The following NME5 variants were observed in gnomAD, a reference collection of about 807,000 sequenced individuals.
NME5 encodes nucleoside diphosphate kinase 5.
Under a neutral mutation model 21.6 loss-of-function variants are expected in NME5, and 18 were observed. The ratio of observed to expected loss-of-function variants is 0.83; its 90% CI spans 0.58 to 1.24. NME5 has a LOEUF of 1.24. NME5 is among the 50% of genes most tolerant of loss of function. The pLI, the probability that NME5 is intolerant of heterozygous loss-of-function variation, is 0.00. For synonymous variants in NME5, 70 were observed against 80.6 expected (o/e 0.87, Z 0.71); for missense variants, 223 against 255.4 (o/e 0.87, Z 0.86).
chr5:138,134,672 G>A (rs1362505330), intron 2 of NME5, among the ~76,000 whole-genome samples: 1 of 151,930 alleles, frequency 6.6e-6, no homozygotes, highest in Non-Finnish European at 1.5e-5. Flanking sequence ...GAGCCACCAC[G>A]GCCGGCTAAT....
At chr5:138,131,093 G>A (rs1458406324) in intron 2 of NME5, among the ~76,000 whole-genome samples, 1 of 150,218 alleles carries the variant, frequency 6.7e-6, no homozygotes, top group East Asian at 2.0e-4. Flanking sequence ...TAGGCCAGGC[G>A]CAGTGACTCA....
intron 4 of NME5, among the ~76,000 whole-genome samples, chr5:138,124,938 G>GTTTT (rs1245267212): frequency 2.0e-5 from 3 of 151,898 alleles, no homozygotes; most frequent in Non-Finnish European, 4.4e-5. Context: ...TTGTTTGTTT[G>GTTTT]TTTGAGACAG....
chr5:138,138,613 G>A, intron 2 of NME5, 39 bp downstream of exon 2: 1 of 1,580,532 alleles, frequency 6.3e-7, no homozygotes, highest in Non-Finnish European at 8.6e-7. Context: ...TTTAAGGGCA[G>A]AGAGGAAAAA....
intron 2 of NME5, among the ~76,000 whole-genome samples, chr5:138,137,702 G>A (rs4835669): frequency 0.34 from 51,887 of 151,214 alleles, 9,069 homozygotes; most frequent in South Asian, 0.43. Context: ...AAGTTCGAAT[G>A]AGAATACTGT....
At chr5:138,137,254 C>G (rs1751719195) in intron 2 of NME5, among the ~76,000 whole-genome samples, 1 of 152,134 alleles carries the variant, frequency 6.6e-6, no homozygotes, top group Admixed American at 6.6e-5. Context: ...CTCTCGGACT[C>G]CACCTGTCCT....
chr5:138,130,920 C>T (rs777737293), intron 2 of NME5, among the ~76,000 whole-genome samples: 1 of 149,212 alleles, frequency 6.7e-6, no homozygotes, highest in African/African-American at 2.5e-5. Context: ...AGCGAGACTC[C>T]GTCTAAAAAA....
chr5:138,118,795 G>C, intron 5 of NME5, 23 bp downstream of exon 5: 1 of 1,463,276 alleles, frequency 6.8e-7, no homozygotes. Context: ...ATATTCTTAA[G>C]TGTGAATAAA....
At chr5:138,117,418 G>C (rs1751185964) in intron 5 of NME5, among the ~76,000 whole-genome samples, 1 of 151,952 alleles carries the variant, frequency 6.6e-6, no homozygotes, top group Non-Finnish European at 1.5e-5. Flanking sequence ...AAAGTGAAAA[G>C]ACAACCTACA....
At chr5:138,139,145 A>G in intron 1 of NME5, 1 of 153,928 alleles carries the variant, frequency 6.5e-6, no homozygotes, top group Non-Finnish European at 1.3e-5. Flanking sequence ...AGGGGGCGGT[A>G]GAGCGGGTGG....
chr5:138,119,026 C>T (rs1454332944), intron 4 of NME5, 90 bp from the exon 5 acceptor site: 7 of 745,682 alleles, frequency 9.4e-6, no homozygotes, highest in African/African-American at 3.7e-5. Context: ...GAACTTTTCT[C>T]TATTTTTTTA....
chr5:138,136,495 CT>C (rs1561592786), intron 2 of NME5, among the ~76,000 whole-genome samples: 1 of 151,932 alleles, frequency 6.6e-6, no homozygotes, highest in Non-Finnish European at 1.5e-5. Context: ...TTATTTTTAT[CT>C]TTTTCTAGGA....
At chr5:138,117,709 G>A (rs1470007968) in intron 5 of NME5, among the ~76,000 whole-genome samples, 3 of 152,078 alleles carry the variant, frequency 2.0e-5, no homozygotes, top group Non-Finnish European at 2.9e-5. Flanking sequence ...TAGGTCGGGC[G>A]CGGTGGCTCA....
chr5:138,120,226 A>G (rs1198443510), intron 4 of NME5, among the ~76,000 whole-genome samples: 1 of 91,286 alleles, frequency 1.1e-5, no homozygotes, highest in Non-Finnish European at 2.2e-5. Context: ...CACTGCTCCC[A>G]GCTCTTTTTT....
chr5:138,135,728 T>C (rs931622168), intron 2 of NME5, among the ~76,000 whole-genome samples: 3 of 152,200 alleles, frequency 2.0e-5, no homozygotes, highest in Admixed American at 2.0e-4. Flanking sequence ...AATTACAGGA[T>C]TCAAAAATTC....
chr5:138,122,441 TAAAAAA>T (rs70979581), intron 4 of NME5, among the ~76,000 whole-genome samples: 42 of 34,462 alleles, frequency 1.2e-3, no homozygotes, highest in African/African-American at 2.6e-3. Context: ...ACTCTGTCTC[TAAAAAA>T]AAAAAAAAAA....
At chr5:138,135,978 C>T (rs1751689911) in intron 2 of NME5, among the ~76,000 whole-genome samples, 1 of 152,050 alleles carries the variant, frequency 6.6e-6, no homozygotes. Flanking sequence ...TGCTTTCTTC[C>T]GTTAACAGTA....
At chr5:138,121,468 T>G (rs997804679) in intron 4 of NME5, among the ~76,000 whole-genome samples, 1 of 152,152 alleles carries the variant, frequency 6.6e-6, no homozygotes, top group African/African-American at 2.4e-5. Context: ...TCGCCATTAA[T>G]GTACACAGCT....
chr5:138,118,729 G>T (rs181675726), intron 5 of NME5, 89 bp downstream of exon 5: 2 of 783,098 alleles, frequency 2.6e-6, no homozygotes, highest in Non-Finnish European at 4.4e-6. Flanking sequence ...GGATCCGCCC[G>T]CCTTGGCCTC....
chr5:138,129,983 T>A (rs1391830802), intron 2 of NME5, among the ~76,000 whole-genome samples: 1 of 152,136 alleles, frequency 6.6e-6, no homozygotes, highest in Non-Finnish European at 1.5e-5. Flanking sequence ...TCCCTCAGCA[T>A]ATGTTTTGTC....
Sources: gnomAD v4.1 joint callset for allele counts (sites outside exome capture counted in the v4.1 genomes callset) on GRCh38, gnomAD v4.1.1 for gene constraint, MANE v1.5 for transcripts, NCBI Gene and HGNC (gene_info 2026-07-23, HGNC 2026-07-21) for gene names.